Variants in RAB17 observed in about 807,000 individuals in gnomAD.
The protein encoded by RAB17 is ras-related protein Rab-17.
Under a neutral mutation model 19.3 loss-of-function variants are expected in RAB17, and 15 were observed. The ratio of observed to expected loss-of-function variants is 0.78; its 90% CI spans 0.52 to 1.20. RAB17 has a LOEUF of 1.20. RAB17 is among the 50% of genes most tolerant of loss of function. The probability of loss-of-function intolerance (pLI) is 0.00; values close to 1 mark genes in which losing one functional copy is unlikely to be tolerated. For missense variants in RAB17, 262 were observed against 269.3 expected, an observed-to-expected ratio of 0.97 and a Z score of 0.19; for synonymous variants, 110 against 112.8, an observed-to-expected ratio of 0.97 and a Z score of 0.16.
At position 237,575,425 on chromosome 2, in the gene RAB17, T is replaced by C. The variant is rs41270747; in HGVS notation, c.491A>G (p.Lys164Arg). Residue 164 changes from lysine (K) to arginine (R), a missense_variant, in exon 5 of 6, where the codon AAA becomes AGA. Physicochemically the swap from Lys to Arg is conservative, Grantham distance 26. Coordinates refer to ENST00000264601, the MANE Select transcript of RAB17 (RefSeq NM_022449.4). ...QKLLFMETSA[K>R]LNHQVSEVFN... The stretch of plus-strand genomic sequence containing the variant: ...CACCTCCGACACCTGGTGGTTCAGT[T>C]TGGCCGAAGTTTCCATGAACAGCAA... 0.012 allele frequency: 18,612 copies of C among 1,612,596 alleles called. 148 individuals carry two copies. The highest frequency in any genetic ancestry group is 0.015 in the Non-Finnish European group (17,313 of 1,179,638).
rs987541068 is a variant in RAB17, at chr2:237,575,657, C to T, written c.436-177G>A. 8.1e-5 allele frequency: 47 copies of T among 583,354 alleles called. No homozygotes were observed. In the East Asian group the frequency reaches 9.2e-4, roughly 11 times the overall value. 36.1% of individuals were successfully genotyped at this position (583,354 alleles called of 1,614,324 possible). ...CTGAGCAGCCAGGACCAGGGAGGGG[C>T]GGGGTGTGCTCCCTGGAAGAGGCTC... On this transcript the variant is annotated intron_variant, in intron 4 of 5. Transcript: ENST00000264601.
chr2:237,586,595 G>GA (rs2081352141), intron 1 of RAB17, among the ~76,000 whole-genome samples: 1 of 152,052 alleles, frequency 6.6e-6, no homozygotes, highest in African/African-American at 2.4e-5. Flanking sequence ...TGGTGTTTCA[G>GA]AAAAAATCTA....
chr2:237,577,371 G>T lies in RAB17; in HGVS notation c.321C>A (p.Leu107=), dbSNP rs138962950. The change falls in exon 4 of 6, where the codon CTC becomes CTA. Residue 107 remains leucine, a synonymous_variant. Coordinates refer to ENST00000264601, the MANE Select transcript of RAB17 (RefSeq NM_022449.4). ...GGTCCTTCAGCCACTGCTGAGCCTT[G>T]AGGAAGGAATCCTAGAAAAGAAGAA... ...VYDITRKDSF[L]KAQQWLKDLE... is the part of the protein sequence containing the mutation. 3.7e-6 allele frequency: 6 copies of T among 1,604,722 alleles called. No homozygotes were observed. Among genetic ancestry groups the T allele is most frequent in the Non-Finnish European group, 5.1e-6 (6 of 1,174,672 alleles).
intron 2 of RAB17, among the ~76,000 whole-genome samples, chr2:237,584,191 C>A (rs6721200): frequency 0.19 from 29,184 of 151,880 alleles, 3,058 homozygotes; most frequent in South Asian, 0.3. Flanking sequence ...ATCACCCCCC[C>A]ACCCCCACCC....
rs965122565 is a variant in RAB17, at chr2:237,585,987, C to T, written c.157+11G>A. 1 of 1,592,318 alleles carries T rather than the reference C, an allele frequency of 6.3e-7. No homozygotes were observed. Among genetic ancestry groups the T allele is most frequent in the Non-Finnish European group, 8.6e-7 (1 of 1,169,298 alleles). ...TGAAGACCAACAAAGGGGTGCTCTG[C>T]CCTCACTTACAGCCCACCGTAGGCA... On this transcript the variant is annotated intron_variant, in intron 2 of 5. Transcript: ENST00000264601.
intron 1 of RAB17, among the ~76,000 whole-genome samples, chr2:237,588,545 C>A (rs1440032294): frequency 6.6e-6 from 1 of 152,064 alleles, no homozygotes; most frequent in African/African-American, 2.4e-5. Context: ...GACTTTCCAC[C>A]CTTTGGTGGA....
chr2:237,574,769 C>T lies in RAB17; in HGVS notation c.*250G>A, dbSNP rs1383385287. Reference sequence around the variant, plus strand: ...GGCCACCGTCCAGGTGGAACAGGCACAGGCATCGGGGAATCAGATGGTATC... The same window carrying T: ...GGCCACCGTCCAGGTGGAACAGGCATAGGCATCGGGGAATCAGATGGTATC... On this transcript the variant is annotated 3_prime_UTR_variant, in exon 6 of 6. Transcript: ENST00000264601. 1.5e-5 allele frequency: 17 copies of T among 1,171,330 alleles called. No homozygotes were observed. Among genetic ancestry groups the T allele is most frequent in the Non-Finnish European group, 2.0e-5 (17 of 870,382 alleles). The allele number at this position is 1,171,330 out of a possible 1,614,324, so 72.6% of individuals were successfully genotyped here.
intron 1 of RAB17, 90 bp from the exon 2 acceptor site, chr2:237,586,247 G>C: frequency 4.3e-6 from 6 of 1,398,316 alleles, no homozygotes; most frequent in Non-Finnish European, 5.7e-6. Flanking sequence ...TCTCGGTCAG[G>C]AGCAGATGGC....
At chr2:237,584,074 G>A (rs529749007) in intron 2 of RAB17, among the ~76,000 whole-genome samples, 1 of 152,048 alleles carries the variant, frequency 6.6e-6, no homozygotes, top group Non-Finnish European at 1.5e-5. Flanking sequence ...TGGCTTGCTG[G>A]AATGAAAGGA....
chr2:237,576,925 G>A (rs1010580720), intron 4 of RAB17, among the ~76,000 whole-genome samples: 2 of 152,126 alleles, frequency 1.3e-5, no homozygotes, highest in Non-Finnish European at 2.9e-5. Context: ...TCCCTCTGCC[G>A]GCCACTGGGC....
chr2:237,576,378 C>T (rs1197422395), intron 4 of RAB17, among the ~76,000 whole-genome samples: 2 of 152,052 alleles, frequency 1.3e-5, no homozygotes, highest in Non-Finnish European at 1.5e-5. Flanking sequence ...TGCCCAAGCA[C>T]ACAGCCCATG....
At chr2:237,583,565 C>A (rs182568884) in intron 2 of RAB17, among the ~76,000 whole-genome samples, 2 of 152,146 alleles carry the variant, frequency 1.3e-5, no homozygotes, top group African/African-American at 4.8e-5. Flanking sequence ...TACAAAAGTG[C>A]GGACCCCAGG....
chr2:237,583,743 AG>A (rs921301402), intron 2 of RAB17, among the ~76,000 whole-genome samples: 1 of 152,176 alleles, frequency 6.6e-6, no homozygotes, highest in African/African-American at 2.4e-5. Context: ...TCTGGGTGAA[AG>A]GCAGAGCCCA....
In RAB17 at chr2:237,574,689, C is replaced by A. The variant is rs537073004; in HGVS notation, c.*330G>T. 1.4e-6 allele frequency: 2 copies of A among 1,434,798 alleles called. No homozygotes were observed. Among genetic ancestry groups the A allele is most frequent in the South Asian group, 3.1e-5 (2 of 64,132 alleles). 88.9% of individuals were successfully genotyped at this position (1,434,798 alleles called of 1,614,324 possible). A position where few individuals can be genotyped will look rare whatever the true frequency, so the allele number is the denominator to read the frequency against. On this transcript the variant is annotated 3_prime_UTR_variant, in exon 6 of 6. Transcript: ENST00000264601. ...GCATCTTCCCACCGTCGCTGTGCTG[C>A]GGGGACTTTTCCAATCCTTCCTTCC...
chr2:237,574,624 C>CA lies in RAB17; in HGVS notation c.*394dup. 1 of 1,522,302 alleles carries CA rather than the reference C, an allele frequency of 6.6e-7. No homozygotes were observed. Among genetic ancestry groups the CA allele is most frequent in the Middle Eastern group, 1.7e-4 (1 of 5,868 alleles). The allele number at this position is 1,522,302 out of a possible 1,614,324, so 94.3% of individuals were successfully genotyped here. ...CCAACCCCCCAGAAGCAGGTGGGCCCAGGCTCCAGGCCAGTGCCCCCATCA... is the reference window on the plus strand; with the variant it reads ...CCAACCCCCCAGAAGCAGGTGGGCCCAAGGCTCCAGGCCAGTGCCCCCATCA... On this transcript the variant is annotated 3_prime_UTR_variant, in exon 6 of 6. Transcript: ENST00000264601.
In RAB17 at chr2:237,576,437, C is replaced by G. The variant is rs556251175; in HGVS notation, c.435+820G>C. ...TCTGCTGCCAGGATCCTCTCTCCCC[C>G]ACCCCAACTTGCAACGAGGGCTCAG... On this transcript the variant is annotated intron_variant, in intron 4 of 5. Coordinates refer to ENST00000264601, the MANE Select transcript of RAB17 (RefSeq NM_022449.4). The G allele has an allele frequency of 8.1e-4, 316 of 389,546 alleles. 1 individual carries two copies. The highest frequency in any genetic ancestry group is 1.4e-3 in the Non-Finnish European group (271 of 190,306). The allele number at this position is 389,546 out of a possible 1,614,324, so 24.1% of individuals were successfully genotyped here.
At position 237,577,115 on chromosome 2, in the gene RAB17, G is replaced by A. The variant is rs762282145; in HGVS notation, c.435+142C>T. Reference sequence around the variant, plus strand: ...TGCATGTGTGTAAATGCATGTGGGCGTGTAGAGGTGTGTGTGCACATGTGT... The same window carrying A: ...TGCATGTGTGTAAATGCATGTGGGCATGTAGAGGTGTGTGTGCACATGTGT... On this transcript the variant is annotated intron_variant, in intron 4 of 5. Transcript: ENST00000264601. The A allele has an allele frequency of 2.6e-4, 256 of 978,764 alleles. 1 individual carries two copies. Among genetic ancestry groups the A allele is most frequent in the African/African-American group, 6.9e-4 (42 of 61,184 alleles). The allele number at this position is 978,764 out of a possible 1,614,324, so 60.6% of individuals were successfully genotyped here.
chr2:237,582,574 C>A (rs1574935896), intron 2 of RAB17, among the ~76,000 whole-genome samples: 1 of 152,340 alleles, frequency 6.6e-6, no homozygotes, highest in African/African-American at 2.4e-5. Flanking sequence ...TTCCAGGCCG[C>A]CTGTGAGGAC....
At chr2:237,575,663 G>A in intron 4 of RAB17, 183 bp from the exon 5 acceptor site, 2 of 573,874 alleles carry the variant, frequency 3.5e-6, no homozygotes, top group East Asian at 2.9e-5. Flanking sequence ...GGGGCGGGGT[G>A]TGCTCCCTGG....
Sources: allele counts gnomAD v4.1 joint callset (sites outside exome capture counted in the v4.1 genomes callset), GRCh38; gene constraint gnomAD v4.1.1; transcripts MANE v1.5; gene names NCBI Gene and HGNC (gene_info 2026-07-23, HGNC 2026-07-21).